PLEKHA7: variants seen among roughly 807,000 people sequenced by gnomAD.
PLEKHA7 encodes the protein pleckstrin homology domain-containing family A member 7.
Under a neutral mutation model 170.0 loss-of-function variants are expected in PLEKHA7, and 104 were observed. The ratio of observed to expected loss-of-function variants is 0.61; its 90% CI spans 0.52 to 0.72. The LOEUF (loss-of-function observed/expected upper bound fraction) is 0.72. Among genes scored for constraint, PLEKHA7 ranks in the 30% least tolerant of loss-of-function variants. PLEKHA7 has a pLI of 0.00. For missense variants in PLEKHA7, 1,615 were observed against 1,671.7 expected, an observed-to-expected ratio of 0.97 and a Z score of 0.59; for synonymous variants, 648 against 660.8, an observed-to-expected ratio of 0.98 and a Z score of 0.30.
intron 3 of PLEKHA7, among the ~76,000 whole-genome samples, chr11:16,925,513 C>G (rs1859454368): frequency 6.6e-6 from 1 of 152,212 alleles, no homozygotes; most frequent in Non-Finnish European, 1.5e-5. Context: ...AAAGTTACAG[C>G]GCGCACACAC....
intron 17 of PLEKHA7, among the ~76,000 whole-genome samples, chr11:16,797,252 C>T (rs1848297756): frequency 6.6e-6 from 1 of 152,128 alleles, no homozygotes; most frequent in Non-Finnish European, 1.5e-5. Context: ...GTAGTATTCT[C>T]TTGACTTTTA....
chr11:16,834,394 A>G (rs1274647609), intron 9 of PLEKHA7, among the ~76,000 whole-genome samples: 1 of 152,250 alleles, frequency 6.6e-6, no homozygotes, highest in East Asian at 1.9e-4. Context: ...GAAGTTCAGC[A>G]TACCACAGAG....
chr11:16,989,236 T>C (rs1296261218), intron 3 of PLEKHA7, among the ~76,000 whole-genome samples: 1 of 152,192 alleles, frequency 6.6e-6, no homozygotes, highest in African/African-American at 2.4e-5. Context: ...CTCATTCTCT[T>C]TACCTTGTTA....
chr11:16,921,976 G>A (rs957012969), intron 3 of PLEKHA7, among the ~76,000 whole-genome samples: 5 of 152,202 alleles, frequency 3.3e-5, no homozygotes, highest in African/African-American at 2.4e-5. Context: ...GGCTGCTTCA[G>A]CAGGAGTTTG....
chr11:16,820,753 C>T (rs1850148105), intron 10 of PLEKHA7, among the ~76,000 whole-genome samples: 1 of 152,250 alleles, frequency 6.6e-6, no homozygotes, highest in Admixed American at 6.5e-5. Context: ...AGTCCACCCT[C>T]ACCTCCCCAC....
intron 13 of PLEKHA7, among the ~76,000 whole-genome samples, chr11:16,809,008 G>T (rs1224836786): frequency 6.6e-6 from 1 of 152,168 alleles, no homozygotes; most frequent in African/African-American, 2.4e-5. Flanking sequence ...AATTCATATT[G>T]CTCAAGTTGC....
chr11:16,944,782 C>A lies in PLEKHA7; in HGVS notation c.221+69207G>T, dbSNP rs573653838. ...GCTCCAAGAATCCTGGAGAAAATTT[C>A]TTCTCTGTCTGATAATAACGTTAAT... On this transcript the variant is annotated intron_variant, in intron 3 of 26. Transcript: ENST00000531066. Among the ~76,000 whole-genome samples the A allele has an allele frequency of 2.0e-5, 3 of 152,288 alleles. No individual in the cohort carries two copies. The South Asian group carries it at 6.2e-4, about 32-fold the overall frequency.
chr11:16,783,544 C>T (rs1205858061), intron 25 of PLEKHA7, among the ~76,000 whole-genome samples, 156 bp downstream of exon 25: 1 of 152,228 alleles, frequency 6.6e-6, no homozygotes, highest in African/African-American at 2.4e-5. Context: ...GATCTGCTGG[C>T]GATGTACCAG....
chr11:16,973,971 T>G (rs1409084782), intron 3 of PLEKHA7, among the ~76,000 whole-genome samples: 1 of 152,230 alleles, frequency 6.6e-6, no homozygotes, highest in East Asian at 1.9e-4. Flanking sequence ...TCTCCCACCT[T>G]CTACCAAAGG....
At position 16,794,646 on chromosome 11, in the gene PLEKHA7, G is replaced by C. The variant is rs141321499; in HGVS notation, c.2587C>G (p.Pro863Ala). ...PSLSTSESKPPPQPSPPTSPV... is the reference protein window; with the variant it reads ...PSLSTSESKPAPQPSPPTSPV... ...CTGGTGGGAGGACTGGGCTGTGGGGGCGGCTTGCTCTCAGAAGTTGAGAGT... is the reference window on the plus strand; with the variant it reads ...CTGGTGGGAGGACTGGGCTGTGGGGCCGGCTTGCTCTCAGAAGTTGAGAGT... Residue 863 changes from proline to alanine, a missense_variant, in exon 19 of 27, where the codon CCC becomes GCC. Coordinates refer to ENST00000531066, the MANE Select transcript of PLEKHA7 (RefSeq NM_001329630.2). 23 of 1,614,066 alleles carry C rather than the reference G, an allele frequency of 1.4e-5. No individual in the cohort carries two copies. The highest frequency in any genetic ancestry group is 3.3e-4 in the Middle Eastern group (2 of 6,062).
chr11:16,866,266 T>C (rs1350611574), intron 4 of PLEKHA7, among the ~76,000 whole-genome samples: 2 of 151,978 alleles, frequency 1.3e-5, no homozygotes, highest in Admixed American at 6.6e-5. Context: ...ATTTACAAGT[T>C]CCCTTACAGA....
At chr11:16,889,010 A>C in intron 3 of PLEKHA7, among the ~76,000 whole-genome samples, 1 of 140,446 alleles carries the variant, frequency 7.1e-6, no homozygotes, top group African/African-American at 2.7e-5. Context: ...AGCTATTGTA[A>C]CCCCTGTGAC....
chr11:16,810,591 C>T (rs561495777), intron 13 of PLEKHA7, among the ~76,000 whole-genome samples: 56 of 152,316 alleles, frequency 3.7e-4, no homozygotes, highest in Admixed American at 2.9e-3. Flanking sequence ...GGTATCAACA[C>T]AGTTGTTTTC....
chr11:16,831,002 T>A (rs535542092), intron 9 of PLEKHA7, among the ~76,000 whole-genome samples: 2 of 152,310 alleles, frequency 1.3e-5, no homozygotes, highest in African/African-American at 4.8e-5. Context: ...GATAAATCAT[T>A]TTCTTTAAAT....
chr11:16,786,021 G>T (rs1849369235), intron 24 of PLEKHA7, among the ~76,000 whole-genome samples: 2 of 152,210 alleles, frequency 1.3e-5, no homozygotes, highest in Admixed American at 6.5e-5. Context: ...ATTGCAATTT[G>T]CCCTAAATTA....
At chr11:16,797,048 T>C (rs887827930) in intron 17 of PLEKHA7, among the ~76,000 whole-genome samples, 69 of 151,798 alleles carry the variant, frequency 4.5e-4, no homozygotes, top group African/African-American at 1.6e-3. Flanking sequence ...AATTTTTATA[T>C]ATCAATTAAA....
intron 3 of PLEKHA7, among the ~76,000 whole-genome samples, chr11:16,907,479 CT>C (rs1319241543): frequency 8.7e-4 from 103 of 118,900 alleles, no homozygotes; most frequent in African/African-American, 3.0e-3. Flanking sequence ...AGGAGCCCCT[CT>C]GCCCGGCCAG....
chr11:16,916,477 C>G (rs1011331869), intron 3 of PLEKHA7, among the ~76,000 whole-genome samples: 6 of 152,168 alleles, frequency 3.9e-5, no homozygotes, highest in Non-Finnish European at 8.8e-5. Flanking sequence ...TAACTTAAGT[C>G]TCATTTCCCT....
Position 17,014,058 on chromosome 11 carries a change from C to T in PLEKHA7, c.164-12G>A. On this transcript the variant is annotated splice_polypyrimidine_tract_variant and intron_variant, in intron 2 of 26. Coordinates refer to ENST00000531066, the MANE Select transcript of PLEKHA7 (RefSeq NM_001329630.2). ...GCCGCGGGGCAGGTCTGCGGAAACG[C>T]CAGAAAAGTCGGGTCAAACTTGGGC... 6.4e-7 allele frequency: 1 copy of T among 1,571,630 alleles called. No homozygotes were observed. Among genetic ancestry groups the T allele is most frequent in the Middle Eastern group, 1.7e-4 (1 of 5,884 alleles).
Sources: gnomAD v4.1 joint callset for allele counts (sites outside exome capture counted in the v4.1 genomes callset) on GRCh38, gnomAD v4.1.1 for gene constraint, MANE v1.5 for transcripts, NCBI Gene and HGNC (gene_info 2026-07-23, HGNC 2026-07-21) for gene names.